Variants in SPTBN2 observed in about 807,000 individuals in gnomAD.
SPTBN2 encodes spectrin beta chain, non-erythrocytic 2.
SPTBN2 carries 107 observed loss-of-function variants against 284.2 expected under a neutral mutation model. The ratio of observed to expected loss-of-function variants is 0.38; its 90% confidence interval spans 0.32 to 0.44. The LOEUF (loss-of-function observed/expected upper bound fraction) is 0.44. Ranked by LOEUF, SPTBN2 falls within the 20% of genes least tolerant of loss-of-function variation. The probability of loss-of-function intolerance (pLI) is 1.00; values close to 1 mark genes in which losing one functional copy is unlikely to be tolerated. For missense variants in SPTBN2, 2,569 were observed against 3,287.1 expected (o/e 0.78, Z 5.34); for synonymous variants, 1,289 against 1,354.8 (o/e 0.95, Z 1.07).
At position 66,683,063 on chromosome 11, in the gene SPTBN2, ATTT is replaced by A. The variant is rs55950324; in HGVS notation, c.*2805_*2807del. ...ACCACCATGCCTGGCCAAGTAATCC[ATTT>A]TTTTTTTTTTTTTTTTTTTGAGATG... On this transcript the variant is annotated 3_prime_UTR_variant, in exon 38 of 38. Coordinates refer to ENST00000533211, the MANE Select transcript of SPTBN2 (RefSeq NM_006946.4). 1.0e-5 allele frequency among the ~76,000 whole-genome samples: 1 copy of A among 95,728 alleles called. No homozygotes were observed. Among genetic ancestry groups the A allele is most frequent in the Non-Finnish European group, 1.9e-5 (1 of 53,986 alleles). 62.8% of individuals were successfully genotyped at this position (95,728 alleles called of 152,430 possible). A position where few individuals can be genotyped will look rare whatever the true frequency, so the allele number is the denominator to read the frequency against.
At chr11:66,720,202 C>T (rs910252702) in intron 3 of SPTBN2, among the ~76,000 whole-genome samples, 3 of 152,116 alleles carry the variant, frequency 2.0e-5, no homozygotes, top group African/African-American at 7.2e-5. Context: ...AGTGGCCAAC[C>T]CCCACCCCCA....
chr11:66,716,254 C>A (rs552611917), intron 3 of SPTBN2, among the ~76,000 whole-genome samples: 2 of 152,104 alleles, frequency 1.3e-5, no homozygotes, highest in African/African-American at 4.8e-5. Flanking sequence ...GAAGCCAAGG[C>A]GGGCGGATCA....
At chr11:66,686,201 A>C in intron 37 of SPTBN2, 97 bp from the exon 38 acceptor site, 1 of 1,427,718 alleles carries the variant, frequency 7.0e-7, no homozygotes, top group Non-Finnish European at 9.9e-7. Context: ...GCAGAAAGTG[A>C]GCTGACTGTT....
rs1300893972 is a variant in SPTBN2, at chr11:66,708,897, C to T, written c.1191+5G>A. ...AGGGTGGGTGGCCTGTGGGCAGCCA[C>T]GGACCTTGTTGATGTCCGAGATGAG... On this transcript the variant is annotated splice_donor_5th_base_variant and intron_variant, in intron 11 of 37. Coordinates refer to ENST00000533211, the MANE Select transcript of SPTBN2 (RefSeq NM_006946.4). This position sits in a 1 kb window ranked among gnomAD's most constrained non-coding sequence, Gnocchi z 4.4. The T allele has an allele frequency of 1.5e-5, 25 of 1,613,194 alleles. No homozygotes were observed. The highest frequency in any genetic ancestry group is 2.0e-5 in the Non-Finnish European group (23 of 1,179,450).
Position 66,693,861 on chromosome 11 carries a change from A to T in SPTBN2, c.4504T>A (p.Leu1502Met). ...QFHRDVEDEI[L>M]WVTERLPMAS... The stretch of plus-strand genomic sequence containing the variant: ...ATGGGCAGCCGCTCTGTCACCCACA[A>T]CTGGAAGAGGAAGAGGGGGTCAGTG... The change falls in exon 23 of 38, where the codon TTG (leucine) becomes ATG (methionine). Residue 1502 changes from leucine to methionine, a missense_variant and splice_region_variant. Around this residue, in one of 6 missense-constraint regions of SPTBN2, gnomAD observed 1,130 missense variants for 1,317.3 expected, o/e 0.86. Transcript: ENST00000533211. The surrounding 1 kb of genome is among the most constrained non-coding windows in gnomAD (Gnocchi z 5.7). 6.2e-7 allele frequency: 1 copy of T among 1,613,708 alleles called. No individual in the cohort carries two copies. Among genetic ancestry groups the T allele is most frequent in the East Asian group, 2.2e-5 (1 of 44,862 alleles).
chr11:66,693,509 G>A lies in SPTBN2; in HGVS notation c.4594-63C>T. 6.4e-7 allele frequency: 1 copy of A among 1,552,624 alleles called. No individual in the cohort carries two copies. The highest frequency in any genetic ancestry group is 1.4e-5 in the African/African-American group (1 of 73,666). ...TGCCCCAGCCCCACGTGCTCCCGGA[G>A]ACCACCCTTCACCCCTGTGCCTCTC... On this transcript the variant is annotated intron_variant, in intron 23 of 37. Coordinates refer to ENST00000533211, the MANE Select transcript of SPTBN2 (RefSeq NM_006946.4). This position sits in a 1 kb window ranked among gnomAD's most constrained non-coding sequence, Gnocchi z 5.7.
chr11:66,736,607 A>C (rs1942852256), intron 1 of SPTBN2, among the ~76,000 whole-genome samples: 1 of 152,228 alleles, frequency 6.6e-6, no homozygotes, highest in Non-Finnish European at 1.5e-5. Flanking sequence ...CAGCAGCAAT[A>C]AGAAAAACAA....
chr11:66,742,772 G>A (rs1021114679), intron 1 of SPTBN2, among the ~76,000 whole-genome samples: 11 of 152,190 alleles, frequency 7.2e-5, no homozygotes, highest in African/African-American at 2.6e-4. Context: ...AACACGCCTG[G>A]CTAATTTTTG....
intron 1 of SPTBN2, 107 bp from the exon 2 acceptor site, chr11:66,721,547 G>A: frequency 2.2e-6 from 1 of 450,896 alleles, no homozygotes; most frequent in South Asian, 2.0e-5. Context: ...GGGCCAGAGA[G>A]GGACGGGTTT....
intron 1 of SPTBN2, chr11:66,728,329 G>A (rs1451532063): frequency 6.9e-6 from 1 of 145,468 alleles, no homozygotes; most frequent in African/African-American, 2.5e-5. Context: ...GGGGGCGCGC[G>A]GGGCGGGCGG....
intron 2 of SPTBN2, 40 bp from the exon 3 acceptor site, chr11:66,721,302 C>G: frequency 6.2e-7 from 1 of 1,606,908 alleles, no homozygotes; most frequent in Non-Finnish European, 8.5e-7. Flanking sequence ...GTCCAGGGAC[C>G]ACCAAGCCCT....
intron 1 of SPTBN2, among the ~76,000 whole-genome samples, chr11:66,722,183 A>T (rs1279503115): frequency 6.6e-6 from 1 of 152,186 alleles, no homozygotes; most frequent in Non-Finnish European, 1.5e-5. Context: ...GTCGGCTGTG[A>T]CATATCCCTG....
At position 66,691,452 on chromosome 11, in the gene SPTBN2, C is replaced by T. The variant is rs769209192; in HGVS notation, c.5397G>A (p.Ala1799=). 8.7e-6 allele frequency: 14 copies of T among 1,611,774 alleles called. No individual in the cohort carries two copies. The highest frequency in any genetic ancestry group is 3.3e-5 in the Admixed American group (2 of 60,004). Residue 1799 remains alanine, a synonymous_variant, in exon 27 of 38, where the codon GCG becomes GCA. Coordinates refer to ENST00000533211, the MANE Select transcript of SPTBN2 (RefSeq NM_006946.4). This position sits in a 1 kb window ranked among gnomAD's most constrained non-coding sequence, Gnocchi z 8.0. ...LLDTRGQVLA[A]AYELQRFLHG... ...GCAGGAAGCGCTGCAGCTCGTACGC[C>T]GCGGCCAGCACCTGACCCCGTGTGT... is the stretch of plus-strand genomic sequence containing the variant.
At position 66,685,989 on chromosome 11, in the gene SPTBN2, G is replaced by GCCCGGGTCATGC. The variant is rs1284703285; in HGVS notation, c.7043_7054dup (p.Gly2348_Arg2351dup). ...GGGTGACACTGGGGGCATGGTCATG[G>GCCCGGGTCATGC]CCCGGGTCATGCCCCGGGTGGTGCT... On this transcript the variant is annotated inframe_insertion, in exon 38 of 38. Coordinates refer to ENST00000533211, the MANE Select transcript of SPTBN2 (RefSeq NM_006946.4). The surrounding 1 kb of genome is among the most constrained non-coding windows in gnomAD (Gnocchi z 4.4). 1 of 1,613,730 alleles carries GCCCGGGTCATGC rather than the reference G, an allele frequency of 6.2e-7. No individual in the cohort carries two copies.
chr11:66,701,764 G>A (rs765161886), intron 15 of SPTBN2, 43 bp from the exon 16 acceptor site: 19 of 1,613,628 alleles, frequency 1.2e-5, no homozygotes, highest in African/African-American at 2.7e-5. Flanking sequence ...GGGAGGCAGC[G>A]ATGTGCCCAG....
In SPTBN2 at chr11:66,714,309, T is replaced by TG. The variant is rs747877319; in HGVS notation, c.575+6_575+7insC. The TG allele has an allele frequency of 4.7e-5, 75 of 1,612,282 alleles. No homozygotes were observed. In the South Asian group the frequency reaches 5.9e-4, roughly 13 times the overall value. Reference sequence around the variant, plus strand: ...CCTCCAGTGCCACACGCCCAGGGTGTCCTCACCCTGCAGTCTTCATCTGGC... The same window carrying TG: ...CCTCCAGTGCCACACGCCCAGGGTGTGCCTCACCCTGCAGTCTTCATCTGGC... On this transcript the variant is annotated splice_region_variant and intron_variant, in intron 6 of 37. Transcript: ENST00000533211.
At chr11:66,727,834 G>A (rs935888700) in intron 1 of SPTBN2, among the ~76,000 whole-genome samples, 1 of 150,552 alleles carries the variant, frequency 6.6e-6, no homozygotes, top group African/African-American at 2.4e-5. Flanking sequence ...CCGCAGCCCC[G>A]GCGACGCGAG....
intron 3 of SPTBN2, 151 bp downstream of exon 3, chr11:66,720,933 C>T: frequency 9.4e-7 from 1 of 1,062,234 alleles, no homozygotes; most frequent in Non-Finnish European, 1.4e-6. Context: ...ATTCTTGAGG[C>T]TGGATGTGGG....
Position 66,684,652 on chromosome 11 carries a change from A to AG in SPTBN2, c.*1218dup, listed in dbSNP as rs1565103965. Among the ~76,000 whole-genome samples, 3 of 151,662 alleles carry AG rather than the reference A, an allele frequency of 2.0e-5. No individual in the cohort carries two copies. In the East Asian group the frequency reaches 5.8e-4, roughly 29 times the overall value. ...TCTGTCTCAAAAAAAAAAAAAAAAA[A>AG]GAATATATATTATCCTCTGTGTGTA... is the stretch of plus-strand genomic sequence containing the variant. On this transcript the variant is annotated 3_prime_UTR_variant, in exon 38 of 38. Coordinates refer to ENST00000533211, the MANE Select transcript of SPTBN2 (RefSeq NM_006946.4).
Sources: gnomAD v4.1 joint callset for allele counts (sites outside exome capture counted in the v4.1 genomes callset) on GRCh38, gnomAD v4.1.1 for gene constraint, gnomAD v4.1.1 regional missense constraint, Gnocchi (gnomAD v3.1) non-coding constraint, MANE v1.5 for transcripts, NCBI Gene and HGNC (gene_info 2026-07-23, HGNC 2026-07-21) for gene names.